FAM161B: variants seen among roughly 807,000 people sequenced by gnomAD.
FAM161B encodes the protein protein FAM161B.
In FAM161B, 46 loss-of-function variants were observed where a neutral mutation model predicts 61.5. That is an observed-to-expected ratio of 0.75 (90% CI 0.59 to 0.96). The LOEUF (loss-of-function observed/expected upper bound fraction) is 0.96, where lower values mean the gene tolerates loss of function less well. Ranked by LOEUF, FAM161B falls within the 40% of genes least tolerant of loss-of-function variation. The pLI, the probability that FAM161B is intolerant of heterozygous loss-of-function variation, is 0.00. For synonymous variants in FAM161B, 284 were observed against 302.7 expected, an observed-to-expected ratio of 0.94 and a Z score of 0.64; for missense variants, 774 against 800.7, an observed-to-expected ratio of 0.97 and a Z score of 0.40.
chr14:73,948,966 T>C (rs1453098932), intron 1 of FAM161B, among the ~76,000 whole-genome samples: 4 of 152,074 alleles, frequency 2.6e-5, no homozygotes, highest in African/African-American at 9.7e-5. Context: ...GTCGCCAGGC[T>C]AGAGTGCAGT....
chr14:73,931,939 C>CA, downstream of FAM161B: 1 of 457,228 alleles, frequency 2.2e-6, no homozygotes, highest in Non-Finnish European at 4.4e-6. Context: ...TTCCTGCTAC[C>CA]AACAACAGAG....
rs527556060 is a variant in FAM161B at position 73,933,401 on chromosome 14, A to G, written c.*855T>C. ...AAGAATTAGGTGGCCCAAAATATTAATAGCACTGAGGATAAGAAATCCTGT... is the reference window on the plus strand; with the variant it reads ...AAGAATTAGGTGGCCCAAAATATTAGTAGCACTGAGGATAAGAAATCCTGT... On this transcript the variant is annotated 3_prime_UTR_variant, in exon 9 of 9. Transcript: ENST00000286544. The G allele has an allele frequency of 6.6e-6, 1 of 152,378 alleles. No homozygotes were observed. The highest frequency in any genetic ancestry group is 6.5e-5 in the Admixed American group (1 of 15,300). 9.4% of individuals were successfully genotyped at this position (152,378 alleles called of 1,614,324 possible).
chr14:73,944,937 G>A (rs747854000), intron 2 of FAM161B, 52 bp from the exon 3 acceptor site: 2 of 1,429,118 alleles, frequency 1.4e-6, no homozygotes, highest in African/African-American at 2.9e-5. Context: ...AGGAGGCCCT[G>A]CTCCCTCCAG....
intron 4 of FAM161B, among the ~76,000 whole-genome samples, chr14:73,941,480 T>G (rs1292705169): frequency 6.6e-6 from 1 of 152,112 alleles, no homozygotes; most frequent in Non-Finnish European, 1.5e-5. Flanking sequence ...GAATCTTCAT[T>G]TTTTTTCCTG....
chr14:73,947,671 T>C lies in FAM161B; in HGVS notation c.55-1066A>G, dbSNP rs141932353. Among the ~76,000 whole-genome samples the C allele has an allele frequency of 8.0e-4, 122 of 152,286 alleles. 2 individuals are homozygous for C. In the East Asian group the frequency reaches 0.021, roughly 27 times the overall value. ...AAACAACTGTGAGGTTATAAAAAGA[T>C]GGAGTGCCTATGGAAAGCTTTTTGG... On this transcript the variant is annotated intron_variant, in intron 1 of 8. Coordinates refer to ENST00000286544, the MANE Select transcript of FAM161B (RefSeq NM_152445.3).
At chr14:73,928,592 T>C (rs2055867779), downstream of FAM161B, among the ~76,000 whole-genome samples, 2 of 152,098 alleles carry the variant, frequency 1.3e-5, no homozygotes, top group South Asian at 4.1e-4. Flanking sequence ...AGAGCATCCA[T>C]GTATAATAGG....
At chr14:73,928,280 A>G (rs1213246429), downstream of FAM161B, among the ~76,000 whole-genome samples, 1 of 152,186 alleles carries the variant, frequency 6.6e-6, no homozygotes, top group Non-Finnish European at 1.5e-5. Context: ...TAACAGGCAG[A>G]AGGACAGCAG....
chr14:73,934,482 T>C, intron 8 of FAM161B, 88 bp from the exon 9 acceptor site: 2 of 1,312,446 alleles, frequency 1.5e-6, no homozygotes, highest in Non-Finnish European at 2.1e-6. Context: ...TGCAGTGGCA[T>C]GATCTCAGCT....
At chr14:73,931,491 A>G (rs1304099839), downstream of FAM161B, 6 of 1,606,910 alleles carry the variant, frequency 3.7e-6, no homozygotes, top group Admixed American at 1.0e-4. Context: ...ATTTGCTTTC[A>G]ATCTTTTACA....
chr14:73,932,259 TAAAC>T (rs1392172876), downstream of FAM161B: 5 of 337,722 alleles, frequency 1.5e-5, no homozygotes, highest in East Asian at 1.6e-4. Flanking sequence ...TTCCTTTAAA[TAAAC>T]AAAACAGCCC....
At chr14:73,924,819 G>A in the FAM161B span, 4 of 351,538 alleles carry the variant, frequency 1.1e-5, no homozygotes, top group South Asian at 6.4e-5. Flanking sequence ...TGCTACTACA[G>A]GTGCGTGCCA....
Position 73,940,930 on chromosome 14 carries a change from C to G in FAM161B, c.1396G>C (p.Val466Leu). ...TDATRKRESA[V>L]RSALEKKNKA... ...TCGTGCAGCCTGACCACTCACCTGA[C>G]TGCAGATTCCCTCTTCCTGGTGGCA... Residue 466 changes from valine (V) to leucine (L), a missense_variant, in exon 5 of 9, where the codon GTC becomes CTC. Val to Leu is a conservative substitution (Grantham distance 32). Coordinates refer to ENST00000286544, the MANE Select transcript of FAM161B (RefSeq NM_152445.3). 5 of 1,610,216 alleles carry G rather than the reference C, an allele frequency of 3.1e-6. No homozygotes were observed. Among genetic ancestry groups the G allele is most frequent in the Non-Finnish European group, 4.2e-6 (5 of 1,178,276 alleles).
chr14:73,945,293 A>G (rs1390002749), intron 2 of FAM161B, among the ~76,000 whole-genome samples: 14 of 152,242 alleles, frequency 9.2e-5, no homozygotes, highest in Non-Finnish European at 4.4e-5. Context: ...TAAATATTAA[A>G]TAAGATAAAG....
rs1374539153 is a variant in FAM161B, at chr14:73,936,065, TTC to T, written c.1687_1688del (p.Glu563ThrfsTer98). ...GCTTCAGGGTGTCTAGATACCACTG[TTC>T]TGCTTCTTTCTTGGCTAGATCCTGT... ...VAKDLAKKEAEQWYLDTLKQA... is the reference protein window; with the variant it reads ...VAKDLAKKEAXQWYLDTLKQA... On this transcript the variant is annotated frameshift_variant, in exon 8 of 9. Coordinates refer to ENST00000286544, the MANE Select transcript of FAM161B (RefSeq NM_152445.3). LOFTEE classifies it high-confidence loss of function. 3 of 1,610,572 alleles carry T rather than the reference TTC, an allele frequency of 1.9e-6. No individual in the cohort carries two copies. The highest frequency in any genetic ancestry group is 2.5e-6 in the Non-Finnish European group (3 of 1,178,298).
downstream of FAM161B, chr14:73,931,738 A>G (rs529739021): frequency 1.9e-4 from 111 of 591,196 alleles, 2 homozygotes; most frequent in South Asian, 1.9e-3. Flanking sequence ...CTGATCAGAC[A>G]AGGAATGAAG....
intron 7 of FAM161B, among the ~76,000 whole-genome samples, chr14:73,936,448 C>T (rs1267865166): frequency 6.6e-6 from 1 of 151,946 alleles, no homozygotes; most frequent in African/African-American, 2.4e-5. Context: ...GGACTAAAAA[C>T]CTAAGATTTT....
In FAM161B at chr14:73,950,048, G is replaced by T; in HGVS notation, c.-22C>A. The T allele has an allele frequency of 6.2e-7, 1 of 1,611,024 alleles. No homozygotes were observed. On this transcript the variant is annotated 5_prime_UTR_variant, in exon 1 of 9. In the 5' UTR this introduces an upstream ATG that the reference lacks. Transcript: ENST00000286544. ...TCATTTCAGCTGGACAGAGGCAGCAGCGACAGTGACAGCGATAGTGGCAGC... is the reference window on the plus strand; with the variant it reads ...TCATTTCAGCTGGACAGAGGCAGCATCGACAGTGACAGCGATAGTGGCAGC...
rs2055934008 is a variant in FAM161B, at chr14:73,932,659, C to T, written c.*1597G>A. The T allele has an allele frequency of 8.2e-6, 3 of 365,884 alleles. No individual in the cohort carries two copies. The highest frequency in any genetic ancestry group is 6.3e-5 in the South Asian group (3 of 47,486). The allele number at this position is 365,884 out of a possible 1,614,324, so 22.7% of individuals were successfully genotyped here. A position where few individuals can be genotyped will look rare whatever the true frequency, so the allele number is the denominator to read the frequency against. On this transcript the variant is annotated 3_prime_UTR_variant, in exon 9 of 9. Coordinates refer to ENST00000286544, the MANE Select transcript of FAM161B (RefSeq NM_152445.3). ...TTATGATTTGAGATGGGGTCTTGCT[C>T]TGTCACCCAGGCTGGAGTGCAGTAG...
In FAM161B at chr14:73,937,642, C is replaced by T. The variant is rs571286955; in HGVS notation, c.1625G>A (p.Arg542Gln). 36 of 1,614,084 alleles carry T rather than the reference C, an allele frequency of 2.2e-5. No homozygotes were observed. The highest frequency in any genetic ancestry group is 2.2e-4 in the South Asian group (20 of 91,070). Residue 542 changes from arginine (R) to glutamine (Q), a missense_variant, in exon 7 of 9, where the codon CGA becomes CAA. Transcript: ENST00000286544. ...AAAGAGATAGGGCCTTGTTTGTATT[C>T]GCTGCTTCATTTCCTCCAGTTCTTT... ...YKKELEEMKQ[R>Q]IQTRPYLFEQ...
Sources: gnomAD v4.1 joint callset for allele counts (sites outside exome capture counted in the v4.1 genomes callset) on GRCh38, gnomAD v4.1.1 for gene constraint, MANE v1.5 for transcripts, NCBI Gene and HGNC (gene_info 2026-07-23, HGNC 2026-07-21) for gene names.